Variants in TLN2 observed in about 807,000 individuals in gnomAD.
TLN2 encodes the protein talin-2.
Under a neutral mutation model 294.7 loss-of-function variants are expected in TLN2, and 118 were observed. That is an observed-to-expected ratio of 0.40 (90% confidence interval 0.34 to 0.47). The LOEUF is 0.47. Among genes scored for constraint, TLN2 ranks in the 20% least tolerant of loss-of-function variants. The pLI is 0.84. For synonymous variants in TLN2, 1,431 were observed against 1,304.5 expected (o/e 1.10, Z -2.09); for missense variants, 3,083 against 3,282.2 (o/e 0.94, Z 1.48).
chr15:62,702,958 T>A, intron 19 of TLN2, 94 bp downstream of exon 19: 1 of 1,140,738 alleles, frequency 8.8e-7, no homozygotes, highest in South Asian at 1.3e-5. Context: ...ACTAACTAAA[T>A]CTTTGAGATA....
At chr15:62,438,042 G>T (rs2035378729) in intron 1 of TLN2, among the ~76,000 whole-genome samples, 1 of 152,136 alleles carries the variant, frequency 6.6e-6, no homozygotes, top group South Asian at 2.1e-4. Flanking sequence ...ACTGGGGAAG[G>T]CAAGTGTTAG....
At chr15:62,601,004 T>C (rs901756748) in intron 2 of TLN2, among the ~76,000 whole-genome samples, 2 of 152,244 alleles carry the variant, frequency 1.3e-5, no homozygotes, top group Non-Finnish European at 2.9e-5. Flanking sequence ...ATGAGACTTA[T>C]TCATTGCAGT....
intron 9 of TLN2, among the ~76,000 whole-genome samples, chr15:62,669,689 T>A (rs2055164467): frequency 6.6e-6 from 1 of 152,176 alleles, no homozygotes; most frequent in Non-Finnish European, 1.5e-5. Flanking sequence ...TGCACTTGTA[T>A]ACATGTCCCA....
chr15:62,715,657 C>CATAT (rs1385252642), intron 22 of TLN2, among the ~76,000 whole-genome samples: 1 of 152,204 alleles, frequency 6.6e-6, no homozygotes, highest in Non-Finnish European at 1.5e-5. Flanking sequence ...GCGTGACTGG[C>CATAT]ATATTGCCTT....
intron 1 of TLN2, among the ~76,000 whole-genome samples, chr15:62,431,637 T>C (rs2035016988): frequency 6.6e-6 from 1 of 152,358 alleles, no homozygotes; most frequent in Admixed American, 6.5e-5. Flanking sequence ...AGTTTAAGTT[T>C]GGATGCTGAA....
chr15:62,453,307 A>G (rs138702178), intron 1 of TLN2, among the ~76,000 whole-genome samples: 1 of 149,118 alleles, frequency 6.7e-6, no homozygotes, highest in Admixed American at 6.7e-5. Flanking sequence ...TAAAAGTAGG[A>G]TTGGAAAGTA....
intron 1 of TLN2, among the ~76,000 whole-genome samples, chr15:62,493,541 G>T (rs1044375420): frequency 6.6e-6 from 1 of 151,936 alleles, no homozygotes; most frequent in Non-Finnish European, 1.5e-5. Context: ...GTTACAAAAG[G>T]TCCCCCAAAT....
rs77275513 is a variant in TLN2, at chr15:62,529,001, C to G, written c.-237-60686C>G. Among the ~76,000 whole-genome samples, 1,156 of 152,148 alleles carry G rather than the reference C, an allele frequency of 7.6e-3. 19 individuals carry two copies. The highest frequency in any genetic ancestry group is 0.074 in the East Asian group (383 of 5,172). On this transcript the variant is annotated intron_variant, in intron 1 of 58. Transcript: ENST00000636159. ...TTCAACTTTTTACTCATAAGTAATA[C>G]TTTAATGGAGTCTCTTCATATAAAG...
intron 50 of TLN2, among the ~76,000 whole-genome samples, chr15:62,804,330 G>A (rs2066130162): frequency 6.6e-6 from 1 of 152,210 alleles, no homozygotes; most frequent in African/African-American, 2.4e-5. Context: ...AGGCATGGCA[G>A]CGCACGCCTG....
intron 1 of TLN2, among the ~76,000 whole-genome samples, chr15:62,518,124 C>T (rs558480257): frequency 7.9e-5 from 12 of 152,148 alleles, no homozygotes; most frequent in African/African-American, 2.7e-4. Flanking sequence ...CTGCAACCTC[C>T]GCCTCCTGGG....
At chr15:62,556,188 G>A (rs918753793) in intron 1 of TLN2, among the ~76,000 whole-genome samples, 1 of 150,232 alleles carries the variant, frequency 6.7e-6, no homozygotes, top group African/African-American at 2.4e-5. Flanking sequence ...CATATATATG[G>A]GTAGGTTTAT....
chr15:62,617,700 A>T (rs74713650), intron 2 of TLN2, among the ~76,000 whole-genome samples: 4,346 of 152,248 alleles, frequency 0.029, 206 homozygotes, highest in African/African-American at 0.1. Flanking sequence ...TGCTACACTG[A>T]ATGGCTCTCT....
chr15:62,574,076 T>C (rs1241697821), intron 1 of TLN2, among the ~76,000 whole-genome samples: 1 of 152,146 alleles, frequency 6.6e-6, no homozygotes, highest in African/African-American at 2.4e-5. Context: ...GTGCAAGTCA[T>C]CTGAGGCTTT....
At position 62,843,157 on chromosome 15, in the gene TLN2, G is replaced by A. The variant is rs575598287; in HGVS notation, c.*2547G>A. 6.6e-6 allele frequency: 1 copy of A among 152,178 alleles called. No individual in the cohort carries two copies. The highest frequency in any genetic ancestry group is 1.9e-4 in the East Asian group (1 of 5,194). The allele number at this position is 152,178 out of a possible 1,614,324, so 9.4% of individuals were successfully genotyped here. On this transcript the variant is annotated 3_prime_UTR_variant, in exon 59 of 59. Transcript: ENST00000636159. ...GGCCCCAGGTCTGGAGCATAGAAGT[G>A]TATCTCTGTGAAGAGAGAGCCGGTG...
chr15:62,458,998 CTA>C (rs1043672081), intron 1 of TLN2, among the ~76,000 whole-genome samples: 1 of 151,036 alleles, frequency 6.6e-6, no homozygotes, highest in Non-Finnish European at 1.5e-5. Context: ...GCAGTAGACT[CTA>C]TTTTTTTTTT....
intron 32 of TLN2, among the ~76,000 whole-genome samples, chr15:62,742,534 G>A (rs553135476): frequency 6.6e-6 from 1 of 152,284 alleles, no homozygotes; most frequent in South Asian, 2.1e-4. Flanking sequence ...GATATAGAAG[G>A]AAACAGAGCC....
At position 62,681,859 on chromosome 15, in the gene TLN2, T is replaced by C. The variant is rs185840152; in HGVS notation, c.958-4782T>C. Among the ~76,000 whole-genome samples, 4 of 152,338 alleles carry C rather than the reference T, an allele frequency of 2.6e-5. No individual in the cohort carries two copies. In the East Asian group the frequency reaches 7.7e-4, roughly 29 times the overall value. Reference sequence around the variant, plus strand: ...AGTCTGGAATGTAGTGGCGTGATCATGGCTCACTGCAGCCTCCTGAGTAAC... The same window carrying C: ...AGTCTGGAATGTAGTGGCGTGATCACGGCTCACTGCAGCCTCCTGAGTAAC... On this transcript the variant is annotated intron_variant, in intron 11 of 58. Coordinates refer to ENST00000636159, the MANE Select transcript of TLN2 (RefSeq NM_015059.3).
At chr15:62,816,349 T>C (rs898607069) in intron 52 of TLN2, among the ~76,000 whole-genome samples, 1 of 152,276 alleles carries the variant, frequency 6.6e-6, no homozygotes, top group African/African-American at 2.4e-5. Flanking sequence ...CAGTTCAATA[T>C]TTCTGCAAAA....
At chr15:62,510,654 T>G (rs2039880195) in intron 1 of TLN2, among the ~76,000 whole-genome samples, 1 of 152,202 alleles carries the variant, frequency 6.6e-6, no homozygotes, top group Non-Finnish European at 1.5e-5. Context: ...ATGTTTTGCC[T>G]GCTCCAGGGC....
Sources: allele counts gnomAD v4.1 joint callset (sites outside exome capture counted in the v4.1 genomes callset), GRCh38; gene constraint gnomAD v4.1.1; transcripts MANE v1.5; gene names NCBI Gene and HGNC (gene_info 2026-07-23, HGNC 2026-07-21).